Variants in CEP43 observed in about 807,000 individuals in gnomAD.
The protein encoded by CEP43 is centrosomal protein 43.
A neutral mutation model predicts 52.6 loss-of-function variants in CEP43; 36 were observed. That is an observed-to-expected ratio of 0.68 (90% CI 0.52 to 0.90). CEP43 has a LOEUF of 0.90. CEP43 is among the 40% of genes least tolerant of loss of function. The pLI is 0.00. For missense variants in CEP43, 506 were observed against 472.8 expected, an observed-to-expected ratio of 1.07 and a Z score of -0.65; for synonymous variants, 192 against 172.4, an observed-to-expected ratio of 1.11 and a Z score of -0.89.
intron 1 of CEP43, 103 bp downstream of exon 1, chr6:166,999,617 ACCG>A (rs1478718281): frequency 2.3e-6 from 2 of 872,076 alleles, no homozygotes; most frequent in Non-Finnish European, 3.2e-6. Flanking sequence ...CTGGCGAGGG[ACCG>A]GGGCCGGCGG....
chr6:167,002,268 G>A (rs1363244184), intron 2 of CEP43, among the ~76,000 whole-genome samples: 1 of 151,344 alleles, frequency 6.6e-6, no homozygotes, highest in African/African-American at 2.4e-5. Flanking sequence ...TTTTTTTTTG[G>A]TCTGTTTCTT....
chr6:167,024,576 C>G (rs535136849), intron 8 of CEP43, among the ~76,000 whole-genome samples: 49 of 152,268 alleles, frequency 3.2e-4, no homozygotes, highest in Non-Finnish European at 5.9e-4. Flanking sequence ...TGATTTCTTA[C>G]GCCCTGGCTG....
Position 167,026,601 on chromosome 6 carries a change from G to T in CEP43, c.974G>T (p.Gly325Val). The T allele has an allele frequency of 6.3e-7, 1 of 1,583,398 alleles. No homozygotes were observed. The highest frequency in any genetic ancestry group is 1.7e-4 in the Middle Eastern group (1 of 6,012). The part of the protein sequence containing the change: ...KDLKLISDKI[G>V]SLGLGTGEDD... ...CTGAAATTGATCAGTGATAAAATTG[G>T]ATCACTTGGATTAGGTAATTAGATT... The change falls in exon 10 of 13, where the codon GGA becomes GTA. Residue 325 changes from glycine (G) to valine (V), a missense_variant. Transcript: ENST00000366847.
intron 11 of CEP43, 86 bp downstream of exon 11, chr6:167,032,728 G>T: frequency 8.2e-7 from 1 of 1,221,414 alleles, no homozygotes; most frequent in Non-Finnish European, 1.1e-6. Flanking sequence ...ATTACATTTG[G>T]TGCTTATTTT....
chr6:167,016,614 C>T (rs1168271042), intron 7 of CEP43, among the ~76,000 whole-genome samples: 3 of 152,114 alleles, frequency 2.0e-5, no homozygotes, highest in Non-Finnish European at 2.9e-5. Context: ...TTTCACATTA[C>T]GTGTAGGTTT....
At chr6:167,000,446 C>T (rs759469534) in intron 2 of CEP43, among the ~76,000 whole-genome samples, 1 of 152,178 alleles carries the variant, frequency 6.6e-6, no homozygotes, top group African/African-American at 2.4e-5. Context: ...TGTTATTAAT[C>T]CCTATGAAAC....
At position 167,041,612 on chromosome 6, in the gene CEP43, A is replaced by G. The variant is rs751453617; in HGVS notation, c.*1634A>G. On this transcript the variant is annotated 3_prime_UTR_variant, in exon 13 of 13. Coordinates refer to ENST00000366847, the MANE Select transcript of CEP43 (RefSeq NM_007045.4). Reference sequence around the variant, plus strand: ...GGAATCTGGATCACATGTATGATTTATTTTTAATATTTGATAGGAACTAGG... The same window carrying G: ...GGAATCTGGATCACATGTATGATTTGTTTTTAATATTTGATAGGAACTAGG... 2.7e-5 allele frequency: 28 copies of G among 1,043,344 alleles called. No homozygotes were observed. The highest frequency in any genetic ancestry group is 5.7e-5 in the East Asian group (1 of 17,598). The allele number at this position is 1,043,344 out of a possible 1,614,324, so 64.6% of individuals were successfully genotyped here. A position where few individuals can be genotyped will look rare whatever the true frequency, so the allele number is the denominator to read the frequency against.
At chr6:167,017,445 C>CT (rs1351069358) in intron 7 of CEP43, among the ~76,000 whole-genome samples, 1 of 152,160 alleles carries the variant, frequency 6.6e-6, no homozygotes, top group Non-Finnish European at 1.5e-5. Flanking sequence ...ATACGAGGGA[C>CT]TTGAGCATCC....
chr6:167,031,379 T>C (rs1780467467), intron 10 of CEP43, among the ~76,000 whole-genome samples: 1 of 152,208 alleles, frequency 6.6e-6, no homozygotes, highest in Non-Finnish European at 1.5e-5. Flanking sequence ...TAGCAGTATT[T>C]GGTTTGTTCC....
intron 8 of CEP43, among the ~76,000 whole-genome samples, chr6:167,024,002 TAAC>T (rs142533411): frequency 0.02 from 3,084 of 152,184 alleles, 52 homozygotes; most frequent in East Asian, 0.092. Flanking sequence ...GTGGGAGAAA[TAAC>T]AGCATGTATG....
intron 12 of CEP43, among the ~76,000 whole-genome samples, 190 bp downstream of exon 12, chr6:167,034,161 C>T (rs1296412931): frequency 6.6e-6 from 1 of 152,200 alleles, no homozygotes; most frequent in Non-Finnish European, 1.5e-5. Flanking sequence ...TTGGTTGTCA[C>T]TTCCTTTGGT....
At chr6:167,031,493 A>G (rs2128666807) in intron 10 of CEP43, among the ~76,000 whole-genome samples, 1 of 152,364 alleles carries the variant, frequency 6.6e-6, no homozygotes, top group East Asian at 1.9e-4. Context: ...TGGTTGATAA[A>G]TTAATCATAT....
intron 7 of CEP43, among the ~76,000 whole-genome samples, chr6:167,015,397 G>A (rs1405894450): frequency 3.3e-5 from 5 of 152,106 alleles, no homozygotes; most frequent in African/African-American, 1.2e-4. Flanking sequence ...GCTTTGCCTT[G>A]TGCATGCAGT....
rs951336889 is a variant in CEP43, at chr6:167,050,463, G to A, written c.*10485G>A. On this transcript the variant is annotated 3_prime_UTR_variant, in exon 13 of 13. Coordinates refer to ENST00000366847, the MANE Select transcript of CEP43 (RefSeq NM_007045.4). ...TATTTCCTTGTTGATCTTACTCTTA[G>A]TTGTTCTATCCATCATTGAAAATGG... 1 of 152,140 alleles carries A rather than the reference G, an allele frequency of 6.6e-6. No homozygotes were observed. The highest frequency in any genetic ancestry group is 2.4e-5 in the African/African-American group (1 of 41,414). 9.4% of individuals were successfully genotyped at this position (152,140 alleles called of 1,614,324 possible).
rs1780762010 is a variant in CEP43 at position 167,044,492 on chromosome 6, A to C, written c.*4514A>C. 2.0e-6 allele frequency: 2 copies of C among 985,260 alleles called. No homozygotes were observed. The highest frequency in any genetic ancestry group is 6.1e-5 in the Admixed American group (1 of 16,266). 61.0% of individuals were successfully genotyped at this position (985,260 alleles called of 1,614,324 possible). A position where few individuals can be genotyped will look rare whatever the true frequency, so the allele number is the denominator to read the frequency against. On this transcript the variant is annotated 3_prime_UTR_variant, in exon 13 of 13. Transcript: ENST00000366847. ...AGTTTCCCCGAGGAAGTCAGATTGG[A>C]AAAGTGTCCTCAGGTTCAAGGAAAC...
chr6:167,022,151 T>C (rs1780247131), intron 7 of CEP43, among the ~76,000 whole-genome samples: 1 of 152,008 alleles, frequency 6.6e-6, no homozygotes, highest in Non-Finnish European at 1.5e-5. Flanking sequence ...TATTAATATA[T>C]TTCTCTAATA....
At chr6:167,006,898 A>G (rs1286643445) in intron 5 of CEP43, among the ~76,000 whole-genome samples, 4 of 152,144 alleles carry the variant, frequency 2.6e-5, no homozygotes, top group African/African-American at 9.7e-5. Flanking sequence ...GTATATTCGA[A>G]TCCTGTGTGG....
chr6:167,017,034 C>T (rs1212331402), intron 7 of CEP43, among the ~76,000 whole-genome samples: 1 of 150,388 alleles, frequency 6.6e-6, no homozygotes, highest in East Asian at 1.9e-4. Context: ...CTCTCTCTGT[C>T]GCCCAGGCTG....
In CEP43 at chr6:167,033,328, C is replaced by G. The variant is rs1326561437; in HGVS notation, c.1029-547C>G. On this transcript the variant is annotated intron_variant, in intron 11 of 12. Coordinates refer to ENST00000366847, the MANE Select transcript of CEP43 (RefSeq NM_007045.4). ...GTTTTGTCGTGTTGGCCAGGCTGGT[C>G]TCGAACTCCTGACCTCGTGATCCAC... 3.3e-5 allele frequency among the ~76,000 whole-genome samples: 5 copies of G among 151,860 alleles called. No individual in the cohort carries two copies. The East Asian group carries it at 7.7e-4, about 23-fold the overall frequency.
Sources: allele counts gnomAD v4.1 joint callset (sites outside exome capture counted in the v4.1 genomes callset), GRCh38; gene constraint gnomAD v4.1.1; transcripts MANE v1.5; gene names NCBI Gene and HGNC (gene_info 2026-07-23, HGNC 2026-07-21).